PCDH15: variants seen among roughly 807,000 people sequenced by gnomAD.
The protein encoded by PCDH15 is protocadherin related 15.
A neutral mutation model predicts 178.5 loss-of-function variants in PCDH15; 129 were observed. That is an observed-to-expected ratio of 0.72 (90% CI 0.63 to 0.84). PCDH15 has a LOEUF of 0.84. Ranked by LOEUF, PCDH15 falls within the 40% of genes least tolerant of loss-of-function variation. The probability of loss-of-function intolerance (pLI) is 0.00; values close to 1 mark genes in which losing one functional copy is unlikely to be tolerated. For missense variants in PCDH15, 2,230 were observed against 2,099.9 expected (o/e 1.06, Z -1.21); for synonymous variants, 800 against 732.0 (o/e 1.09, Z -1.50).
intron 2 of PCDH15, among the ~76,000 whole-genome samples, chr10:55,087,453 G>A (rs1028843618): frequency 6.6e-6 from 1 of 152,186 alleles, no homozygotes; most frequent in Non-Finnish European, 1.5e-5. Flanking sequence ...AGACATACCA[G>A]GTTGACAGGT....
intron 2 of PCDH15, among the ~76,000 whole-genome samples, chr10:55,081,755 G>A (rs1170034213): frequency 6.6e-6 from 1 of 152,130 alleles, no homozygotes; most frequent in East Asian, 1.9e-4. Flanking sequence ...CCAGAACTGT[G>A]AGAAATATAT....
In PCDH15 at chr10:55,123,157, T is replaced by G. The variant is rs541520006; in HGVS notation, c.-80+43419A>C. ...AATATGAAACCATCCTACATTTGGT[T>G]AGTAAAATTAATTTTCCTGTCTTAT... On this transcript the variant is annotated intron_variant, in intron 2 of 5. Transcript: ENST00000458638. Among the ~76,000 whole-genome samples the G allele has an allele frequency of 3.5e-4, 52 of 150,642 alleles. No homozygotes were observed. The South Asian group carries it at 9.9e-3, about 29-fold the overall frequency.
intron 2 of PCDH15, among the ~76,000 whole-genome samples, chr10:55,602,159 C>T (rs995249188): frequency 6.6e-6 from 1 of 152,126 alleles, no homozygotes; most frequent in Non-Finnish European, 1.5e-5. Flanking sequence ...CACTCCCACC[C>T]GAATACTGCG....
intron 2 of PCDH15, among the ~76,000 whole-genome samples, chr10:54,912,434 A>G (rs193183914): frequency 5.9e-5 from 9 of 152,054 alleles, no homozygotes; most frequent in Admixed American, 5.9e-4. Flanking sequence ...AAGGGTGGCA[A>G]CTTCCCCTGC....
intron 2 of PCDH15, among the ~76,000 whole-genome samples, chr10:55,413,973 T>C (rs960705123): frequency 6.6e-6 from 1 of 151,578 alleles, no homozygotes; most frequent in Non-Finnish European, 1.5e-5. Flanking sequence ...TAATAGGAAA[T>C]ATTGCACAGA....
chr10:54,314,244 TG>T (rs2061093007), intron 8 of PCDH15, among the ~76,000 whole-genome samples: 1 of 152,078 alleles, frequency 6.6e-6, no homozygotes, highest in African/African-American at 2.4e-5. Flanking sequence ...TCAGCATATT[TG>T]TTTTTTCACT....
intron 2 of PCDH15, among the ~76,000 whole-genome samples, chr10:55,376,089 G>A (rs1837389553): frequency 6.6e-6 from 1 of 151,542 alleles, no homozygotes; most frequent in Admixed American, 6.6e-5. Context: ...AATCATAACA[G>A]AATATATTAG....
intron 2 of PCDH15, among the ~76,000 whole-genome samples, chr10:55,604,998 G>T (rs1437879944): frequency 3.3e-5 from 5 of 152,066 alleles, no homozygotes; most frequent in Non-Finnish European, 5.9e-5. Flanking sequence ...TAGACCACTA[G>T]CAAGACTAAT....
intron 2 of PCDH15, among the ~76,000 whole-genome samples, chr10:54,589,036 C>G (rs1222063690): frequency 6.6e-6 from 1 of 151,990 alleles, no homozygotes; most frequent in Non-Finnish European, 1.5e-5. Flanking sequence ...AACACAGATA[C>G]TCAGTACATA....
chr10:54,194,693 T>TCTATCTATCTATCTATCTATCTA (rs1554833338), intron 11 of PCDH15, among the ~76,000 whole-genome samples: 2 of 151,420 alleles, frequency 1.3e-5, no homozygotes, highest in African/African-American at 4.9e-5. Flanking sequence ...TCTATCTATA[T>TCTATCTATCTATCTATCTATCTA]CTGTATGTGT....
In PCDH15 at chr10:53,806,994, A is replaced by T; in HGVS notation, c.4808T>A (p.Ile1603Lys). The change falls in exon 38 of 38, where the codon ATA (isoleucine) becomes AAA (lysine). Residue 1603 changes from isoleucine to lysine, a missense_variant. By Grantham distance (102) the Ile-to-Lys change is moderately radical. Transcript: ENST00000644397. ...CACAGAACCATTCTGTGCAATATAT[A>T]TATTGCCGTTGATATTACTGTGGAT... ...PSIHSNINGN[I>K]YIAQNGSVVR... is the part of the protein sequence containing the mutation. 6.2e-7 allele frequency: 1 copy of T among 1,613,630 alleles called. No homozygotes were observed.
Position 54,218,572 on chromosome 10 carries a change from T to C in PCDH15, c.986-4524A>G, listed in dbSNP as rs907890392. The stretch of plus-strand genomic sequence containing the variant: ...AAGGGCACACAGAGGAAAGGCCATG[T>C]GAAGACACAAGAAAGCAGCTGGAGA... On this transcript the variant is annotated intron_variant, in intron 9 of 37. Transcript: ENST00000644397. Among the ~76,000 whole-genome samples, 10 of 152,274 alleles carry C rather than the reference T, an allele frequency of 6.6e-5. No homozygotes were observed. The East Asian group carries it at 1.7e-3, about 27-fold the overall frequency.
intron 1 of PCDH15, among the ~76,000 whole-genome samples, chr10:55,305,486 G>C (rs1843398881): frequency 6.6e-6 from 1 of 152,180 alleles, no homozygotes; most frequent in South Asian, 2.1e-4. Flanking sequence ...GAGGCCCCCA[G>C]GCACTGTTGT....
intron 2 of PCDH15, among the ~76,000 whole-genome samples, chr10:55,514,987 A>ATTTT (rs35469059): frequency 2.1e-4 from 25 of 120,232 alleles, no homozygotes; most frequent in African/African-American, 3.1e-4. Context: ...AGATAGATAG[A>ATTTT]TTTTTTTTTT....
rs75468395 is a variant in PCDH15 at position 54,063,518 on chromosome 10, C to T, written c.2220+3239G>A. The stretch of plus-strand genomic sequence containing the variant: ...CATGTCCCTCAGAGCATTTGGTATG[C>T]TTTGGCCAACTTCCACCTCCTGGTA... On this transcript the variant is annotated intron_variant, in intron 18 of 37. Coordinates refer to ENST00000644397, the MANE Select transcript of PCDH15 (RefSeq NM_001384140.1). 4.8e-3 allele frequency among the ~76,000 whole-genome samples: 734 copies of T among 152,282 alleles called. 5 individuals carry two copies. The highest frequency in any genetic ancestry group is 0.017 in the African/African-American group (694 of 41,564).
chr10:54,639,341 C>T (rs75743458), intron 2 of PCDH15, among the ~76,000 whole-genome samples: 3,686 of 151,854 alleles, frequency 0.024, 153 homozygotes, highest in African/African-American at 0.084. Context: ...ATTCTTTAGC[C>T]CTAGATATAT....
chr10:53,822,325 A>C (rs2076330420), intron 32 of PCDH15: 1 of 1,601,972 alleles, frequency 6.2e-7, no homozygotes, highest in African/African-American at 1.3e-5. Flanking sequence ...CCAGACGTTG[A>C]AACGGAAAGT....
intron 3 of PCDH15, among the ~76,000 whole-genome samples, chr10:54,873,725 T>C: frequency 6.8e-6 from 1 of 146,642 alleles, no homozygotes; most frequent in South Asian, 2.1e-4. Context: ...ATAATATATG[T>C]GTATGTATAT....
chr10:54,564,459 T>C (rs2088702308), intron 2 of PCDH15, among the ~76,000 whole-genome samples: 1 of 152,156 alleles, frequency 6.6e-6, no homozygotes, highest in South Asian at 2.1e-4. Flanking sequence ...TTACCTTTAG[T>C]GTAGTAGATA....
Sources: gnomAD v4.1 joint callset for allele counts (sites outside exome capture counted in the v4.1 genomes callset) on GRCh38, gnomAD v4.1.1 for gene constraint, MANE v1.5 for transcripts, NCBI Gene and HGNC (gene_info 2026-07-23, HGNC 2026-07-21) for gene names.